Variants in PINX1 observed in about 807,000 individuals in gnomAD.
The protein encoded by PINX1 is PIN2 (TERF1) interacting telomerase inhibitor 1, also known as PIN2/TERF1-interacting telomerase inhibitor 1.
A neutral mutation model predicts 25.4 loss-of-function variants in PINX1; 34 were observed. The observed-to-expected ratio is 1.34, with a 90% CI of 1.02 to 1.78. The LOEUF (loss-of-function observed/expected upper bound fraction) is 1.78, where lower values mean the gene tolerates loss of function less well. PINX1 is among the 40% of genes most tolerant of loss of function. The pLI is 0.00. For synonymous variants in PINX1, 197 were observed against 147.7 expected (o/e 1.33, Z -2.42); for missense variants, 592 against 404.9 (o/e 1.46, Z -3.97).
chr8:10,812,387 C>A (rs114275777), intron 6 of PINX1, among the ~76,000 whole-genome samples: 1 of 152,300 alleles, frequency 6.6e-6, no homozygotes, highest in African/African-American at 2.4e-5. Context: ...TCTCTTTACT[C>A]CAGAATGAGA....
At chr8:10,810,911 T>C (rs1343626067) in intron 6 of PINX1, among the ~76,000 whole-genome samples, 1 of 152,238 alleles carries the variant, frequency 6.6e-6, no homozygotes, top group Non-Finnish European at 1.5e-5. Context: ...GCAATGACCC[T>C]GTTCACTCAG....
chr8:10,805,280 C>T (rs1256348482), intron 6 of PINX1, among the ~76,000 whole-genome samples: 2 of 152,246 alleles, frequency 1.3e-5, no homozygotes, highest in Non-Finnish European at 2.9e-5. Flanking sequence ...AAGACATCCA[C>T]GTCAGGGTAA....
Position 10,765,599 on chromosome 8 carries a change from G to T in PINX1, c.789C>A (p.Gly263=), listed in dbSNP as rs759345059. ...CCTTGGAACTCTGGTCCCAGCAGGG[G>T]CCTCTGAGCTGCTCTTCTGCTGGCG... ...KSAPAEEQLR[G]PCWDQSSKAS... Residue 263 remains glycine (G), a synonymous_variant, in exon 7 of 7, where the codon GGC becomes GGA. Transcript: ENST00000314787. The T allele has an allele frequency of 6.2e-7, 1 of 1,613,682 alleles. No homozygotes were observed. Among genetic ancestry groups the T allele is most frequent in the Non-Finnish European group, 8.5e-7 (1 of 1,179,830 alleles).
chr8:10,770,533 C>T (rs1801190833), intron 6 of PINX1, among the ~76,000 whole-genome samples: 1 of 152,232 alleles, frequency 6.6e-6, no homozygotes. Context: ...CATCTGGAGA[C>T]TCTGCAGCTA....
At chr8:10,787,728 G>A (rs556968811) in intron 6 of PINX1, 64 of 447,518 alleles carry the variant, frequency 1.4e-4, no homozygotes, top group Non-Finnish European at 2.5e-4. Context: ...TCTTTACGAA[G>A]TGAATACATT....
intron 2 of PINX1, chr8:10,833,785 C>T: frequency 6.1e-6 from 1 of 164,202 alleles, no homozygotes; most frequent in South Asian, 1.4e-4. Context: ...GACTGGGCTG[C>T]GGGAGGCAAG....
intron 6 of PINX1, among the ~76,000 whole-genome samples, chr8:10,774,007 G>A (rs148545447): frequency 2.0e-5 from 3 of 152,316 alleles, no homozygotes; most frequent in Non-Finnish European, 2.9e-5. Flanking sequence ...CAAATTGACT[G>A]CATTTTATAA....
At chr8:10,824,658 G>A (rs890601914) in intron 5 of PINX1, among the ~76,000 whole-genome samples, 1 of 152,202 alleles carries the variant, frequency 6.6e-6, no homozygotes, top group African/African-American at 2.4e-5. Context: ...GCTTATCCCA[G>A]CCTCAGCAAA....
chr8:10,784,699 A>C (rs1037332492), intron 6 of PINX1, among the ~76,000 whole-genome samples: 1 of 152,218 alleles, frequency 6.6e-6, no homozygotes, highest in Non-Finnish European at 1.5e-5. Flanking sequence ...AGTCAGGTAA[A>C]ATTTAAAACC....
At chr8:10,797,416 TCAAA>T (rs1342451923) in intron 6 of PINX1, among the ~76,000 whole-genome samples, 6 of 152,206 alleles carry the variant, frequency 3.9e-5, no homozygotes, top group Admixed American at 6.5e-5. Context: ...TAGCAGAGCC[TCAAA>T]CAGTCAACAG....
intron 6 of PINX1, among the ~76,000 whole-genome samples, chr8:10,786,506 G>A (rs1801752004): frequency 6.6e-6 from 1 of 152,184 alleles, no homozygotes; most frequent in South Asian, 2.1e-4. Flanking sequence ...CCAAGTCTCA[G>A]CGTGGCTGCA....
intron 6 of PINX1, chr8:10,787,477 C>T: frequency 1.1e-5 from 2 of 180,570 alleles, no homozygotes; most frequent in Non-Finnish European, 2.3e-5. Context: ...AATCCCGCTT[C>T]AGCCTCCCAA....
At chr8:10,790,556 G>A (rs999601109) in intron 6 of PINX1, among the ~76,000 whole-genome samples, 1 of 152,202 alleles carries the variant, frequency 6.6e-6, no homozygotes, top group East Asian at 1.9e-4. Context: ...GCCTCAACTG[G>A]TCCATACTGT....
intron 5 of PINX1, among the ~76,000 whole-genome samples, chr8:10,823,752 CAGA>C (rs1797948477): frequency 6.6e-6 from 1 of 152,152 alleles, no homozygotes; most frequent in African/African-American, 2.4e-5. Flanking sequence ...CACTTGAGCC[CAGA>C]AGGTCAAGTC....
intron 4 of PINX1, among the ~76,000 whole-genome samples, chr8:10,831,456 AAAT>A (rs1798223927): frequency 6.6e-6 from 1 of 152,216 alleles, no homozygotes; most frequent in African/African-American, 2.4e-5. Context: ...CTCCCAACAC[AAAT>A]AATAAATGTC....
chr8:10,768,128 C>T (rs1051188162), intron 6 of PINX1, among the ~76,000 whole-genome samples: 28 of 150,364 alleles, frequency 1.9e-4, no homozygotes, highest in African/African-American at 4.9e-5. Context: ...GAGACAGGCT[C>T]GGTGACCAGG....
At chr8:10,823,919 T>C (rs957868960) in intron 5 of PINX1, among the ~76,000 whole-genome samples, 2 of 152,214 alleles carry the variant, frequency 1.3e-5, no homozygotes, top group Admixed American at 1.3e-4. Context: ...TAGAGTAAAA[T>C]TTTAATCTTC....
chr8:10,771,613 C>A (rs1193318273), intron 6 of PINX1, among the ~76,000 whole-genome samples: 5 of 152,214 alleles, frequency 3.3e-5, no homozygotes, highest in Non-Finnish European at 7.3e-5. Context: ...AAGTGCTCAA[C>A]AAAGGCACAA....
At chr8:10,792,775 A>T (rs1039762879) in intron 6 of PINX1, among the ~76,000 whole-genome samples, 1 of 152,220 alleles carries the variant, frequency 6.6e-6, no homozygotes, top group African/African-American at 2.4e-5. Context: ...GTGATGTGAT[A>T]AACAGCAGTC....
Sources: gnomAD v4.1 joint callset for allele counts (sites outside exome capture counted in the v4.1 genomes callset) on GRCh38, gnomAD v4.1.1 for gene constraint, MANE v1.5 for transcripts, NCBI Gene and HGNC (gene_info 2026-07-23, HGNC 2026-07-21) for gene names.